Variants in UBE2E1 observed in about 807,000 individuals in gnomAD.
UBE2E1 encodes the protein ubiquitin conjugating enzyme E2 E1.
A neutral mutation model predicts 21.4 loss-of-function variants in UBE2E1; 6 were observed. The observed-to-expected ratio is 0.28, with a 90% CI of 0.15 to 0.55. UBE2E1 has a LOEUF of 0.55. Among genes scored for constraint, UBE2E1 ranks in the 20% least tolerant of loss-of-function variants. The pLI, the probability that UBE2E1 is intolerant of heterozygous loss-of-function variation, is 0.93. For synonymous variants in UBE2E1, 87 were observed against 82.7 expected, an observed-to-expected ratio of 1.05 and a Z score of -0.28; for missense variants, 142 against 236.5, an observed-to-expected ratio of 0.60 and a Z score of 2.62.
At chr3:23,873,552 C>G (rs1005582259) in intron 3 of UBE2E1, among the ~76,000 whole-genome samples, 1 of 152,154 alleles carries the variant, frequency 6.6e-6, no homozygotes, top group African/African-American at 2.4e-5. Flanking sequence ...TCGAGACCAG[C>G]CTGACCAACA....
At chr3:23,889,913 C>A in intron 5 of UBE2E1, 1 of 163,014 alleles carries the variant, frequency 6.1e-6, no homozygotes, top group Non-Finnish European at 1.3e-5. Flanking sequence ...TATATATATA[C>A]ACATATGTAT....
At chr3:23,866,436 C>T (rs532729101) in intron 3 of UBE2E1, 5 of 152,390 alleles carry the variant, frequency 3.3e-5, no homozygotes, top group Admixed American at 3.3e-4. Flanking sequence ...TGAAGTGGAT[C>T]TGAATTCCTG....
At chr3:23,874,646 T>A (rs899669830) in intron 3 of UBE2E1, among the ~76,000 whole-genome samples, 5 of 152,184 alleles carry the variant, frequency 3.3e-5, no homozygotes, top group African/African-American at 1.2e-4. Context: ...CTGACTCGTT[T>A]TTTCTAACTT....
At chr3:23,877,346 C>G (rs1700938657) in intron 3 of UBE2E1, among the ~76,000 whole-genome samples, 1 of 152,182 alleles carries the variant, frequency 6.6e-6, no homozygotes, top group Non-Finnish European at 1.5e-5. Flanking sequence ...TGGAGTCTAA[C>G]AGCTGGGATT....
At chr3:23,831,677 C>T (rs1699869610) in intron 3 of UBE2E1, among the ~76,000 whole-genome samples, 1 of 134,702 alleles carries the variant, frequency 7.4e-6, no homozygotes, top group Admixed American at 7.8e-5. Flanking sequence ...TGCTACCACA[C>T]CCAGCTAAGT....
chr3:23,810,449 T>TC lies in UBE2E1; in HGVS notation c.153-1007dup. The TC allele has an allele frequency of 3.9e-6, 6 of 1,535,530 alleles. No individual in the cohort carries two copies. Among genetic ancestry groups the TC allele is most frequent in the Non-Finnish European group, 5.2e-6 (6 of 1,146,548 alleles). On this transcript the variant is annotated intron_variant, in intron 2 of 5. Coordinates refer to ENST00000306627, the MANE Select transcript of UBE2E1 (RefSeq NM_003341.5). The surrounding 1 kb of genome is among the most constrained non-coding windows in gnomAD (Gnocchi z 5.8). ...GAGAAAACTGCAGGTCTCCAGTCTA[T>TC]CCCCAGTGTGAGCTAGAGAGCGGAC...
At chr3:23,832,865 C>T (rs1051122704) in intron 3 of UBE2E1, among the ~76,000 whole-genome samples, 42 of 152,172 alleles carry the variant, frequency 2.8e-4, no homozygotes, top group Admixed American at 4.6e-4. Context: ...ACCCCCATCT[C>T]TACAAAACAA....
chr3:23,825,402 C>G (rs1699734493), intron 3 of UBE2E1, among the ~76,000 whole-genome samples: 1 of 152,140 alleles, frequency 6.6e-6, no homozygotes, highest in African/African-American at 2.4e-5. Context: ...GTCATTCGTT[C>G]TGATATTTAT....
At chr3:23,815,696 C>CA (rs1699500561) in intron 3 of UBE2E1, among the ~76,000 whole-genome samples, 1 of 152,196 alleles carries the variant, frequency 6.6e-6, no homozygotes, top group South Asian at 2.1e-4. Context: ...CGTCCAGGTT[C>CA]AGCATGTTTT....
In UBE2E1 at chr3:23,863,741, G is replaced by A. The variant is rs2125315070; in HGVS notation, c.204-23826G>A. Among the ~76,000 whole-genome samples, 1 of 152,084 alleles carries A rather than the reference G, an allele frequency of 6.6e-6. No individual in the cohort carries two copies. Among genetic ancestry groups the A allele is most frequent in the Middle Eastern group, 3.4e-3 (1 of 294 alleles). On this transcript the variant is annotated intron_variant, in intron 3 of 5. Transcript: ENST00000306627. This position sits in a 1 kb window ranked among gnomAD's most constrained non-coding sequence, Gnocchi z 4.3. ...GATGGGGTTTCTCCATGTTGGTCAGGCTGGTCTCAAACTCCCGATCTCAGG... is the reference window on the plus strand; with the variant it reads ...GATGGGGTTTCTCCATGTTGGTCAGACTGGTCTCAAACTCCCGATCTCAGG...
At chr3:23,824,579 T>C (rs1699714564) in intron 3 of UBE2E1, among the ~76,000 whole-genome samples, 1 of 152,200 alleles carries the variant, frequency 6.6e-6, no homozygotes, top group Non-Finnish European at 1.5e-5. Flanking sequence ...GTTCTGTAGC[T>C]CCTCTGATAC....
At chr3:23,812,995 A>T (rs929859475) in intron 3 of UBE2E1, among the ~76,000 whole-genome samples, 9 of 67,656 alleles carry the variant, frequency 1.3e-4, no homozygotes, top group East Asian at 8.5e-4. Flanking sequence ...TTAAGCATTT[A>T]AAAAAAAAAA....
chr3:23,859,671 T>C (rs1700509535), intron 3 of UBE2E1, among the ~76,000 whole-genome samples: 1 of 152,180 alleles, frequency 6.6e-6, no homozygotes, highest in Non-Finnish European at 1.5e-5. Flanking sequence ...GGGCCTCAGT[T>C]TCCTCTAATG....
chr3:23,855,886 C>G lies in UBE2E1; in HGVS notation c.204-31681C>G, dbSNP rs118097386. ...AGTAGTGCTTTAGGGCTTAAAGGCA[C>G]TTACATAGCTTATTTCCTTCAAGGT... On this transcript the variant is annotated intron_variant, in intron 3 of 5. Coordinates refer to ENST00000306627, the MANE Select transcript of UBE2E1 (RefSeq NM_003341.5). 3.2e-3 allele frequency among the ~76,000 whole-genome samples: 484 copies of G among 152,176 alleles called. 6 individuals carry two copies. The highest frequency in any genetic ancestry group is 0.016 in the East Asian group (81 of 5,178).
At position 23,842,776 on chromosome 3, in the gene UBE2E1, C is replaced by G. The variant is rs1352667167; in HGVS notation, c.203+31266C>G. Among the ~76,000 whole-genome samples the G allele has an allele frequency of 6.6e-6, 1 of 152,092 alleles. No individual in the cohort carries two copies. Among genetic ancestry groups the G allele is most frequent in the Non-Finnish European group, 1.5e-5 (1 of 67,998 alleles). ...ATACTTTTTGAGGGAATAAAGATTT[C>G]TAATTGTACAACAGTAAATGGAATA... On this transcript the variant is annotated intron_variant, in intron 3 of 5. Transcript: ENST00000306627. This position sits in a 1 kb window ranked among gnomAD's most constrained non-coding sequence, Gnocchi z 4.6.
chr3:23,821,237 G>A (rs1699637056), intron 3 of UBE2E1, among the ~76,000 whole-genome samples: 1 of 152,188 alleles, frequency 6.6e-6, no homozygotes, highest in Non-Finnish European at 1.5e-5. Context: ...GTGCAGTGAT[G>A]GAGAATAATT....
chr3:23,877,974 G>A (rs993162503), intron 3 of UBE2E1, among the ~76,000 whole-genome samples: 1 of 152,064 alleles, frequency 6.6e-6, no homozygotes, highest in Admixed American at 6.6e-5. Context: ...TTGCTACCCT[G>A]CCCCTGCCTC....
chr3:23,852,959 C>T lies in UBE2E1; in HGVS notation c.204-34608C>T, dbSNP rs146115657. Among the ~76,000 whole-genome samples the T allele has an allele frequency of 4.9e-3, 738 of 151,608 alleles. 7 individuals carry two copies. The highest frequency in any genetic ancestry group is 0.017 in the African/African-American group (698 of 41,322). On this transcript the variant is annotated intron_variant, in intron 3 of 5. Transcript: ENST00000306627. ...GAGATGGAGTTTCACTCTTGTTACC[C>T]AGGCTGGAATGCAATGGCATGATCT...
At position 23,842,198 on chromosome 3, in the gene UBE2E1, GGTGTGTGTGTGT is replaced by G. The variant is rs55941535; in HGVS notation, c.203+30728_203+30739del. On this transcript the variant is annotated intron_variant, in intron 3 of 5. Transcript: ENST00000306627. This position sits in a 1 kb window ranked among gnomAD's most constrained non-coding sequence, Gnocchi z 4.6. ...TATGTCATGACCCAGTAAGTGAAGG[GGTGTGTGTGTGT>G]GTGTGTGTGTGTGTGTGTGTGTGTG... 9.6e-5 allele frequency among the ~76,000 whole-genome samples: 10 copies of G among 104,284 alleles called. No individual in the cohort carries two copies. Among genetic ancestry groups the G allele is most frequent in the African/African-American group, 2.9e-4 (8 of 27,628 alleles). The allele number at this position is 104,284 out of a possible 152,430, so 68.4% of individuals were successfully genotyped here. A position where few individuals can be genotyped will look rare whatever the true frequency, so the allele number is the denominator to read the frequency against.
Sources: gnomAD v4.1 joint callset for allele counts (sites outside exome capture counted in the v4.1 genomes callset) on GRCh38, gnomAD v4.1.1 for gene constraint, Gnocchi (gnomAD v3.1) non-coding constraint, MANE v1.5 for transcripts, NCBI Gene and HGNC (gene_info 2026-07-23, HGNC 2026-07-21) for gene names.